The following COL13A1 variants were observed in gnomAD, a reference collection of about 807,000 sequenced individuals.
The protein encoded by COL13A1 is collagen alpha-1(XIII) chain.
A neutral mutation model predicts 130.9 loss-of-function variants in COL13A1; 89 were observed. The ratio of observed to expected loss-of-function variants is 0.68; its 90% CI spans 0.57 to 0.81. COL13A1 has a LOEUF of 0.81. COL13A1 is among the 30% of genes least tolerant of loss of function. The pLI, the probability that COL13A1 is intolerant of heterozygous loss-of-function variation, is 0.00. For synonymous variants in COL13A1, 402 were observed against 341.6 expected (o/e 1.18, Z -1.95); for missense variants, 879 against 934.6 (o/e 0.94, Z 0.78).
chr10:69,888,537 G>A (rs1464820204), intron 9 of COL13A1, among the ~76,000 whole-genome samples: 5 of 152,220 alleles, frequency 3.3e-5, no homozygotes, highest in Non-Finnish European at 7.3e-5. Flanking sequence ...CCCAGCTGCT[G>A]AGCTTGGCTT....
At chr10:69,825,487 T>C (rs1847255277) in intron 2 of COL13A1, among the ~76,000 whole-genome samples, 1 of 152,238 alleles carries the variant, frequency 6.6e-6, no homozygotes, top group African/African-American at 2.4e-5. Flanking sequence ...TCATTGCTGA[T>C]GACTGGCTGC....
intron 38 of COL13A1, among the ~76,000 whole-genome samples, chr10:69,948,921 C>T (rs2068955979): frequency 6.6e-6 from 1 of 152,130 alleles, no homozygotes; most frequent in Non-Finnish European, 1.5e-5. Flanking sequence ...ATTTCTATTC[C>T]CCTTCCCCTT....
rs887867309 is a variant in COL13A1 at position 69,846,386 on chromosome 10, G to C, written c.365-21412G>C. ...CATAACCCGAGCTGGGGTTGGGGTT[G>C]GGGGGAGGGGCGGTGACAGACAGGC... is the stretch of plus-strand genomic sequence containing the variant. On this transcript the variant is annotated intron_variant, in intron 2 of 40. Coordinates refer to ENST00000645393, the MANE Select transcript of COL13A1 (RefSeq NM_001368882.1). Among the ~76,000 whole-genome samples the C allele has an allele frequency of 3.9e-5, 6 of 152,090 alleles. No homozygotes were observed. The South Asian group carries it at 1.2e-3, about 32-fold the overall frequency.
In COL13A1 at chr10:69,957,418, A is replaced by C. The variant is rs776816553; in HGVS notation, c.2184+376A>C. Among the ~76,000 whole-genome samples the C allele has an allele frequency of 7.2e-5, 11 of 152,174 alleles. 1 individual carries two copies. The highest frequency in any genetic ancestry group is 1.6e-4 in the Non-Finnish European group (11 of 68,030). ...TGATGACATGTCTTAGACGTAGGAC[A>C]TCTCAGTTGCTTTCACTCTGAACTC... is the stretch of plus-strand genomic sequence containing the variant. On this transcript the variant is annotated intron_variant, in intron 40 of 40. Coordinates refer to ENST00000645393, the MANE Select transcript of COL13A1 (RefSeq NM_001368882.1).
intron 6 of COL13A1, among the ~76,000 whole-genome samples, chr10:69,880,044 C>T (rs1291065553): frequency 6.6e-6 from 1 of 152,074 alleles, no homozygotes; most frequent in Non-Finnish European, 1.5e-5. Flanking sequence ...GGAGGGGGAG[C>T]TGGAAAGCAT....
At chr10:69,840,427 G>T (rs1851289658) in intron 2 of COL13A1, among the ~76,000 whole-genome samples, 1 of 152,204 alleles carries the variant, frequency 6.6e-6, no homozygotes, top group African/African-American at 2.4e-5. Context: ...CAGCTTAGGA[G>T]CAAGAGGGGC....
intron 26 of COL13A1, among the ~76,000 whole-genome samples, 190 bp from the exon 27 acceptor site, chr10:69,926,897 A>G (rs2065437243): frequency 6.6e-6 from 1 of 152,218 alleles, no homozygotes; most frequent in Non-Finnish European, 1.5e-5. Flanking sequence ...TCCAGTGATT[A>G]CAAACCTCAG....
In COL13A1 at chr10:69,902,795, C is replaced by A. The variant is rs777001080; in HGVS notation, c.798C>A (p.Gly266=). ...TCCAAGGTCCACCAGGGCCCCCAGG[C>A]CCCCCTGGACCAAGTGGACCTCTGG... ...ASIQGPPGPP[G]PPGPSGPLGH... Residue 266 remains glycine (G), a synonymous_variant, in exon 15 of 41, where the codon GGC becomes GGA. Coordinates refer to ENST00000645393, the MANE Select transcript of COL13A1 (RefSeq NM_001368882.1). The A allele has an allele frequency of 3.2e-6, 5 of 1,551,464 alleles. No individual in the cohort carries two copies. The African/African-American group carries it at 4.1e-5, about 13-fold the overall frequency.
At chr10:69,821,443 T>C (rs961100166) in intron 1 of COL13A1, among the ~76,000 whole-genome samples, 2 of 152,224 alleles carry the variant, frequency 1.3e-5, no homozygotes, top group Admixed American at 1.3e-4. Context: ...ACCTGTGACA[T>C]GAACATGGTA....
At chr10:69,936,900 G>A in intron 33 of COL13A1, 118 bp downstream of exon 33, 2 of 1,144,466 alleles carry the variant, frequency 1.7e-6, no homozygotes, top group Non-Finnish European at 2.6e-6. Context: ...CAGCCAAGGG[G>A]GTCCAGTCAG....
At position 69,905,807 on chromosome 10, in the gene COL13A1, C is replaced by G. The variant is rs758265278; in HGVS notation, c.906C>G (p.Gly302=). 1.4e-5 allele frequency: 22 copies of G among 1,613,604 alleles called. No homozygotes were observed. The highest frequency in any genetic ancestry group is 1.9e-5 in the Non-Finnish European group (22 of 1,179,814). The change falls in exon 17 of 41, where the codon GGC becomes GGG. Residue 302 remains glycine, a synonymous_variant. Coordinates refer to ENST00000645393, the MANE Select transcript of COL13A1 (RefSeq NM_001368882.1). ...PGPKGDPGIQ[G]YHGRKGERGM... Reference sequence around the variant, plus strand: ...CCCAGGGAGACCCAGGGATCCAGGGCTACCACGGCCGGAAGGTAAGATGGA... The same window carrying G: ...CCCAGGGAGACCCAGGGATCCAGGGGTACCACGGCCGGAAGGTAAGATGGA...
intron 3 of COL13A1, among the ~76,000 whole-genome samples, chr10:69,871,925 A>G (rs1031538747): frequency 1.7e-4 from 26 of 152,232 alleles, no homozygotes; most frequent in African/African-American, 6.3e-4. Flanking sequence ...GCACAGAGAG[A>G]CCAAGATACT....
In COL13A1 at chr10:69,906,573, C is replaced by T. The variant is rs566234372; in HGVS notation, c.921+751C>T. On this transcript the variant is annotated intron_variant, in intron 17 of 40. Coordinates refer to ENST00000645393, the MANE Select transcript of COL13A1 (RefSeq NM_001368882.1). ...GGTCCCAGTGCATAAAGACTTGTCA[C>T]GTATCTGCTTGTATCACATTTTCTA... Among the ~76,000 whole-genome samples the T allele has an allele frequency of 2.0e-4, 31 of 152,142 alleles. 1 individual carries two copies. The South Asian group carries it at 3.5e-3, about 17-fold the overall frequency.
At chr10:69,917,937 A>G (rs2064128706) in intron 18 of COL13A1, among the ~76,000 whole-genome samples, 1 of 150,210 alleles carries the variant, frequency 6.7e-6, no homozygotes. Context: ...TCCTCCTTTC[A>G]TATTCCAACG....
chr10:69,829,349 T>C (rs916969842), intron 2 of COL13A1: 11 of 807,744 alleles, frequency 1.4e-5, no homozygotes, highest in Admixed American at 6.2e-5. Flanking sequence ...TCCATCACCC[T>C]TAGGATAAAG....
chr10:69,954,170 C>T (rs2070178991), intron 39 of COL13A1: 1 of 152,668 alleles, frequency 6.6e-6, no homozygotes, highest in Non-Finnish European at 1.5e-5. Flanking sequence ...TCTGTAAATG[C>T]CAAGGGTCAC....
rs777212332 is a variant in COL13A1 at position 69,820,730 on chromosome 10, G to A, written c.295-1639G>A. On this transcript the variant is annotated intron_variant, in intron 1 of 40. Transcript: ENST00000645393. Reference sequence around the variant, plus strand: ...CCCTCTTCTGGTCTACCTTGATCTCGGCCCCCTTCTGCCCTCAGAGCCCCC... The same window carrying A: ...CCCTCTTCTGGTCTACCTTGATCTCAGCCCCCTTCTGCCCTCAGAGCCCCC... Among the ~76,000 whole-genome samples the A allele has an allele frequency of 5.3e-5, 8 of 152,076 alleles. No individual in the cohort carries two copies. The South Asian group carries it at 1.2e-3, about 24-fold the overall frequency.
chr10:69,956,717 C>T (rs989194755), intron 39 of COL13A1: 7 of 368,190 alleles, frequency 1.9e-5, no homozygotes, highest in Non-Finnish European at 3.1e-5. Flanking sequence ...ACTGTTTCTT[C>T]GTGGCACGGA....
At chr10:69,931,686 C>G (rs1262200999) in intron 30 of COL13A1, among the ~76,000 whole-genome samples, 1 of 152,208 alleles carries the variant, frequency 6.6e-6, no homozygotes, top group Non-Finnish European at 1.5e-5. Context: ...AGGGAGCATT[C>G]CTGGATATGG....
Sources: gnomAD v4.1 joint callset for allele counts (sites outside exome capture counted in the v4.1 genomes callset) on GRCh38, gnomAD v4.1.1 for gene constraint, MANE v1.5 for transcripts, NCBI Gene and HGNC (gene_info 2026-07-23, HGNC 2026-07-21) for gene names.